Variants in RNF157 observed in about 807,000 individuals in gnomAD.
The protein encoded by RNF157 is ring finger protein 157, also known as E3 ubiquitin ligase RNF157.
In RNF157, 55 loss-of-function variants were observed where a neutral mutation model predicts 88.3. The ratio of observed to expected loss-of-function variants is 0.62; its 90% CI spans 0.50 to 0.78. The LOEUF is 0.78. Ranked by LOEUF, RNF157 falls within the 30% of genes least tolerant of loss-of-function variation. The pLI, the probability that RNF157 is intolerant of heterozygous loss-of-function variation, is 0.00. For synonymous variants in RNF157, 334 were observed against 341.2 expected (o/e 0.98, Z 0.23); for missense variants, 788 against 860.8 (o/e 0.92, Z 1.06).
intron 2 of RNF157, among the ~76,000 whole-genome samples, chr17:76,208,689 T>C (rs539085533): frequency 2.0e-5 from 3 of 152,214 alleles, no homozygotes; most frequent in Admixed American, 6.5e-5. Context: ...TTTAAAAACA[T>C]TTGCCAGCGC....
chr17:76,168,630 A>C (rs1032131327), intron 3 of RNF157, among the ~76,000 whole-genome samples: 8 of 151,832 alleles, frequency 5.3e-5, no homozygotes, highest in African/African-American at 1.9e-4. Flanking sequence ...GCCACCCTGG[A>C]ATCTCTCTCC....
At chr17:76,219,653 A>C (rs975283260) in intron 1 of RNF157, among the ~76,000 whole-genome samples, 1 of 152,224 alleles carries the variant, frequency 6.6e-6, no homozygotes, top group Non-Finnish European at 1.5e-5. Flanking sequence ...ATTTCTGTAA[A>C]GCAATCCCTA....
At chr17:76,193,900 C>T (rs973351565) in intron 2 of RNF157, among the ~76,000 whole-genome samples, 5 of 152,198 alleles carry the variant, frequency 3.3e-5, no homozygotes, top group African/African-American at 1.2e-4. Flanking sequence ...TGCTACCCCT[C>T]CCACCTCCAC....
At chr17:76,183,192 C>A (rs1456601598) in intron 2 of RNF157, among the ~76,000 whole-genome samples, 1 of 148,670 alleles carries the variant, frequency 6.7e-6, no homozygotes, top group Non-Finnish European at 1.5e-5. Flanking sequence ...CCGCCTCAGC[C>A]TCCCAAAGTG....
chr17:76,193,931 G>T (rs1485028732), intron 2 of RNF157, among the ~76,000 whole-genome samples: 1 of 152,120 alleles, frequency 6.6e-6, no homozygotes, highest in Non-Finnish European at 1.5e-5. Flanking sequence ...AGCCCTGGGG[G>T]ACACGGCTAC....
intron 3 of RNF157, among the ~76,000 whole-genome samples, chr17:76,170,540 C>A (rs145777373): frequency 6.6e-6 from 1 of 152,216 alleles, no homozygotes; most frequent in Non-Finnish European, 1.5e-5. Flanking sequence ...CATCTGCCTG[C>A]CTTTGGCCAA....
At chr17:76,181,235 A>G (rs1311123836) in intron 2 of RNF157, among the ~76,000 whole-genome samples, 1 of 152,168 alleles carries the variant, frequency 6.6e-6, no homozygotes, top group East Asian at 1.9e-4. Flanking sequence ...TGAAAGTTAT[A>G]CCATCATGGC....
intron 1 of RNF157, among the ~76,000 whole-genome samples, chr17:76,217,065 T>C (rs1349702448): frequency 6.6e-6 from 1 of 152,228 alleles, no homozygotes; most frequent in Admixed American, 6.5e-5. Flanking sequence ...ACTCAATAAT[T>C]CTTTAGCAAT....
chr17:76,154,197 A>G, intron 17 of RNF157, 86 bp downstream of exon 17: 1 of 977,302 alleles, frequency 1.0e-6, no homozygotes, highest in Non-Finnish European at 1.7e-6. Context: ...CCACCACGTC[A>G]TACCGGTACC....
chr17:76,194,196 C>T (rs1001744648), intron 2 of RNF157, among the ~76,000 whole-genome samples: 2 of 152,136 alleles, frequency 1.3e-5, no homozygotes, highest in Admixed American at 6.6e-5. Context: ...TTCCATTACC[C>T]CCACATTCCC....
intron 1 of RNF157, among the ~76,000 whole-genome samples, chr17:76,233,077 C>A (rs1281793159): frequency 6.6e-6 from 1 of 152,086 alleles, no homozygotes; most frequent in African/African-American, 2.4e-5. Flanking sequence ...CCGGCCACCA[C>A]GCCCAGCTAA....
At chr17:76,190,130 C>CT (rs2069359255) in intron 2 of RNF157, among the ~76,000 whole-genome samples, 1 of 151,438 alleles carries the variant, frequency 6.6e-6, no homozygotes, top group Non-Finnish European at 1.5e-5. Flanking sequence ...ACTTATTACC[C>CT]TTACTTCTGT....
intron 2 of RNF157, among the ~76,000 whole-genome samples, chr17:76,189,511 A>G (rs1435515242): frequency 6.6e-6 from 1 of 152,186 alleles, no homozygotes; most frequent in Non-Finnish European, 1.5e-5. Flanking sequence ...CAGCGACCTC[A>G]AAAGTTGTGA....
At chr17:76,170,637 T>C (rs2068998537) in intron 3 of RNF157, among the ~76,000 whole-genome samples, 1 of 152,138 alleles carries the variant, frequency 6.6e-6, no homozygotes, top group African/African-American at 2.4e-5. Flanking sequence ...CCTCTTCATT[T>C]TAGCCTCCCA....
At chr17:76,186,934 C>T (rs1010787316) in intron 2 of RNF157, among the ~76,000 whole-genome samples, 7 of 133,174 alleles carry the variant, frequency 5.3e-5, no homozygotes, top group East Asian at 2.2e-4. Context: ...AATGAGACTC[C>T]GACTCAAAAT....
chr17:76,154,968 A>G (rs772103742), intron 16 of RNF157, among the ~76,000 whole-genome samples: 5 of 152,192 alleles, frequency 3.3e-5, no homozygotes, highest in Non-Finnish European at 7.3e-5. Flanking sequence ...AATGAAGGAC[A>G]ATATATTCTC....
chr17:76,174,593 A>C (rs887030386), intron 2 of RNF157, among the ~76,000 whole-genome samples: 2 of 152,236 alleles, frequency 1.3e-5, no homozygotes, highest in African/African-American at 4.8e-5. Flanking sequence ...TATAATTCCC[A>C]AAAAACCTAC....
intron 2 of RNF157, 135 bp downstream of exon 2, chr17:76,212,229 T>G: frequency 1.5e-6 from 1 of 657,006 alleles, no homozygotes; most frequent in Non-Finnish European, 2.7e-6. Flanking sequence ...AGGCTGCAGT[T>G]TGTCTTCTAG....
At chr17:76,187,477 T>C (rs4789249) in intron 2 of RNF157, among the ~76,000 whole-genome samples, 50,753 of 152,028 alleles carry the variant, frequency 0.33, 9,442 homozygotes, top group African/African-American at 0.51. Context: ...AGCCACGGCG[T>C]CTGGCCAGGA....
Sources: gnomAD v4.1 joint callset for allele counts (sites outside exome capture counted in the v4.1 genomes callset) on GRCh38, gnomAD v4.1.1 for gene constraint, MANE v1.5 for transcripts, NCBI Gene and HGNC (gene_info 2026-07-23, HGNC 2026-07-21) for gene names.